ANK3: variants seen among roughly 807,000 people sequenced by gnomAD.
The protein encoded by ANK3 is ankyrin-3.
Under a neutral mutation model 370.9 loss-of-function variants are expected in ANK3, and 57 were observed. The observed-to-expected ratio is 0.15, with a 90% CI of 0.12 to 0.19. The LOEUF (loss-of-function observed/expected upper bound fraction) is 0.19. Ranked by LOEUF, ANK3 falls within the 10% of genes least tolerant of loss-of-function variation. The pLI is 1.00. For missense variants in ANK3, 4,439 were observed against 5,302.1 expected (o/e 0.84, Z 5.06); for synonymous variants, 1,929 against 1,946.3 (o/e 0.99, Z 0.23).
chr10:60,635,402 T>C (rs1397780518), intron 1 of ANK3, among the ~76,000 whole-genome samples: 1 of 152,114 alleles, frequency 6.6e-6, no homozygotes, highest in Admixed American at 6.5e-5. Context: ...GCAGCAAACA[T>C]GCCTAAAAAA....
At chr10:60,324,878 T>C (rs1490766670) in intron 1 of ANK3, among the ~76,000 whole-genome samples, 1 of 152,198 alleles carries the variant, frequency 6.6e-6, no homozygotes, top group African/African-American at 2.4e-5. Flanking sequence ...GTTTAATAAA[T>C]ATTTGGTGAA....
intron 42 of ANK3, chr10:60,050,526 A>T (rs945727301): frequency 6.6e-6 from 1 of 152,222 alleles, no homozygotes; most frequent in Admixed American, 6.5e-5. Flanking sequence ...GGTTTTCAAT[A>T]GATATTCTCT....
chr10:60,160,231 T>C (rs2095462218), intron 23 of ANK3, among the ~76,000 whole-genome samples: 1 of 151,952 alleles, frequency 6.6e-6, no homozygotes, highest in African/African-American at 2.4e-5. Flanking sequence ...TTACAACTGA[T>C]AGTGCAAAAA....
intron 4 of ANK3, among the ~76,000 whole-genome samples, chr10:60,274,538 C>T (rs1348450455): frequency 6.6e-6 from 1 of 152,148 alleles, no homozygotes; most frequent in Non-Finnish European, 1.5e-5. Flanking sequence ...TCATTAATTA[C>T]AGGGTAGACA....
At chr10:60,041,380 C>A (rs1298116674) in intron 43 of ANK3, among the ~76,000 whole-genome samples, 2 of 152,222 alleles carry the variant, frequency 1.3e-5, no homozygotes, top group East Asian at 3.8e-4. Flanking sequence ...TTCCCCGTCA[C>A]CTCCGACCCA....
At chr10:60,711,377 AAAATAAAT>A (rs769089985) in intron 1 of ANK3, among the ~76,000 whole-genome samples, 5 of 147,988 alleles carry the variant, frequency 3.4e-5, no homozygotes, top group African/African-American at 4.9e-5. Context: ...AAATTGAATA[AAAATAAAT>A]AAATAAATAA....
chr10:60,279,259 T>C, intron 2 of ANK3, 111 bp from the exon 3 acceptor site: 1 of 922,456 alleles, frequency 1.1e-6, no homozygotes, highest in South Asian at 1.4e-5. Flanking sequence ...ATCACTTGCA[T>C]GTATGCTGTG....
At chr10:60,112,460 T>C (rs955455744) in intron 26 of ANK3, among the ~76,000 whole-genome samples, 14 of 152,204 alleles carry the variant, frequency 9.2e-5, no homozygotes, top group Non-Finnish European at 1.6e-4. Context: ...TTTCTCTAAT[T>C]GAGTTAAAGA....
At chr10:60,539,713 C>T (rs535404105) in intron 2 of ANK3, among the ~76,000 whole-genome samples, 1 of 152,002 alleles carries the variant, frequency 6.6e-6, no homozygotes, top group East Asian at 1.9e-4. Flanking sequence ...TACAATTTCA[C>T]CAGCCACTAA....
At chr10:60,455,978 A>T (rs2064737666) in intron 2 of ANK3, among the ~76,000 whole-genome samples, 1 of 152,194 alleles carries the variant, frequency 6.6e-6, no homozygotes, top group Non-Finnish European at 1.5e-5. Context: ...ACCAAAGGTG[A>T]ATCTGTATTA....
chr10:60,449,648 T>A (rs2064544206), intron 2 of ANK3, among the ~76,000 whole-genome samples: 1 of 152,204 alleles, frequency 6.6e-6, no homozygotes, highest in Non-Finnish European at 1.5e-5. Context: ...TTACTTTCCA[T>A]AAAAGGGCCT....
intron 2 of ANK3, among the ~76,000 whole-genome samples, chr10:60,511,453 A>G (rs2076077743): frequency 1.3e-5 from 2 of 152,192 alleles, no homozygotes; most frequent in Non-Finnish European, 1.5e-5. Flanking sequence ...GAGCAGTAGT[A>G]CAATCTGTGC....
intron 5 of ANK3, 49 bp downstream of exon 5, chr10:60,270,082 T>C (rs760293202): frequency 9.4e-6 from 12 of 1,274,500 alleles, no homozygotes; most frequent in African/African-American, 3.1e-5. Flanking sequence ...GTTTTCAAAA[T>C]GCCCTATAAA....
At chr10:60,343,268 C>T (rs2054665234) in intron 1 of ANK3, among the ~76,000 whole-genome samples, 1 of 152,010 alleles carries the variant, frequency 6.6e-6, no homozygotes, top group Admixed American at 6.6e-5. Flanking sequence ...AGTGGTTTTG[C>T]ATTCAGCATA....
chr10:60,552,806 C>A (rs961736301), intron 2 of ANK3, among the ~76,000 whole-genome samples: 1 of 152,182 alleles, frequency 6.6e-6, no homozygotes. Flanking sequence ...TGTTGTGGGA[C>A]GGACCCGGTG....
intron 2 of ANK3, among the ~76,000 whole-genome samples, chr10:60,581,457 C>G (rs1156352921): frequency 1.5e-5 from 2 of 131,608 alleles, no homozygotes; most frequent in Non-Finnish European, 3.1e-5. Flanking sequence ...CAGAGTCTCG[C>G]TTTGTCGCCC....
At chr10:60,121,378 CAAAA>C (rs201473806) in intron 25 of ANK3, among the ~76,000 whole-genome samples, 62 of 135,454 alleles carry the variant, frequency 4.6e-4, no homozygotes, top group Admixed American at 5.1e-4. Context: ...TAAAATGCAC[CAAAA>C]AAAAAAAAAA....
intron 2 of ANK3, among the ~76,000 whole-genome samples, chr10:60,441,451 ATT>A (rs1009512051): frequency 6.6e-6 from 1 of 152,094 alleles, no homozygotes; most frequent in Admixed American, 6.5e-5. Flanking sequence ...TCCTCTGGAT[ATT>A]TTGTTAATAT....
At chr10:60,549,257 A>G (rs1448652741) in intron 2 of ANK3, among the ~76,000 whole-genome samples, 1 of 152,128 alleles carries the variant, frequency 6.6e-6, no homozygotes, top group Non-Finnish European at 1.5e-5. Flanking sequence ...AAAATATTTA[A>G]TAACATTGAA....
Sources: gnomAD v4.1 joint callset for allele counts (sites outside exome capture counted in the v4.1 genomes callset) on GRCh38, gnomAD v4.1.1 for gene constraint, MANE v1.5 for transcripts, NCBI Gene and HGNC (gene_info 2026-07-23, HGNC 2026-07-21) for gene names.